The following CTIF variants were observed in gnomAD, a reference collection of about 807,000 sequenced individuals.
CTIF encodes cap binding complex dependent translation initiation factor.
In CTIF, 21 loss-of-function variants were observed where a neutral mutation model predicts 66.0. The observed-to-expected ratio is 0.32, with a 90% CI of 0.23 to 0.46. The LOEUF is 0.46. Ranked by LOEUF, CTIF falls within the 20% of genes least tolerant of loss-of-function variation. The pLI, the probability that CTIF is intolerant of heterozygous loss-of-function variation, is 1.00. For missense variants in CTIF, 739 were observed against 812.7 expected (o/e 0.91, Z 1.10); for synonymous variants, 345 against 326.4 (o/e 1.06, Z -0.62).
intron 6 of CTIF, among the ~76,000 whole-genome samples, chr18:48,673,925 T>C (rs2091581192): frequency 6.6e-6 from 1 of 152,224 alleles, no homozygotes; most frequent in Non-Finnish European, 1.5e-5. Flanking sequence ...ATGTCTTAAA[T>C]GCTTTGGCCC....
intron 1 of CTIF, among the ~76,000 whole-genome samples, chr18:48,557,695 A>C (rs1452809274): frequency 6.6e-6 from 1 of 152,204 alleles, no homozygotes; most frequent in East Asian, 1.9e-4. Context: ...CAGACATTTT[A>C]TTTCTTCACA....
At chr18:48,562,262 A>G (rs915795333) in intron 1 of CTIF, among the ~76,000 whole-genome samples, 3 of 152,258 alleles carry the variant, frequency 2.0e-5, no homozygotes, top group Non-Finnish European at 2.9e-5. Context: ...CAGTAGTATC[A>G]TCACCCACAT....
Position 48,569,470 on chromosome 18 carries a change from CAAAA to C in CTIF, c.-29+30162_-29+30165del, listed in dbSNP as rs1338096555. Among the ~76,000 whole-genome samples the C allele has an allele frequency of 1.5e-4, 23 of 148,976 alleles. No individual in the cohort carries two copies. The South Asian group carries it at 3.6e-3, about 24-fold the overall frequency. Reference sequence around the variant, plus strand: ...AAGAAATTCATAAATGAAAAAAAAACAAAAAAACAAAAAAAAAACTTGGGTTTCA... The same window carrying C: ...AAGAAATTCATAAATGAAAAAAAAACAAACAAAAAAAAAACTTGGGTTTCA... On this transcript the variant is annotated intron_variant, in intron 1 of 11. Transcript: ENST00000256413.
chr18:48,726,493 T>A (rs2092388373), intron 7 of CTIF, among the ~76,000 whole-genome samples: 3 of 152,172 alleles, frequency 2.0e-5, no homozygotes, highest in South Asian at 4.1e-4. Flanking sequence ...TGACTGGGGC[T>A]GGAGAAAGCC....
rs1248831037 is a variant in CTIF, at chr18:48,761,104, G to T, written c.1072-286G>T. ...CTTTTCTAGATTAAGATATTTGATGGACAAATAAACAAAAAAAGCCAATGT... is the reference window on the plus strand; with the variant it reads ...CTTTTCTAGATTAAGATATTTGATGTACAAATAAACAAAAAAAGCCAATGT... On this transcript the variant is annotated intron_variant, in intron 8 of 11. Transcript: ENST00000256413. The surrounding 1 kb of genome is among the most constrained non-coding windows in gnomAD (Gnocchi z 4.2). The T allele has an allele frequency of 6.3e-6, 2 of 317,880 alleles. No homozygotes were observed. The highest frequency in any genetic ancestry group is 2.1e-5 in the African/African-American group (1 of 47,092). The allele number at this position is 317,880 out of a possible 1,614,324, so 19.7% of individuals were successfully genotyped here.
At chr18:48,659,200 T>C (rs914969475) in intron 3 of CTIF, among the ~76,000 whole-genome samples, 2 of 152,100 alleles carry the variant, frequency 1.3e-5, no homozygotes, top group Non-Finnish European at 2.9e-5. Context: ...GCAGTTCTTA[T>C]ATCAAGTAGA....
At chr18:48,848,028 G>GT (rs758776784) in intron 10 of CTIF, among the ~76,000 whole-genome samples, 1 of 152,188 alleles carries the variant, frequency 6.6e-6, no homozygotes, top group Non-Finnish European at 1.5e-5. Flanking sequence ...TGGGCCAGCT[G>GT]TCCCGGAGGG....
intron 9 of CTIF, among the ~76,000 whole-genome samples, chr18:48,794,058 A>G (rs2067854103): frequency 6.6e-6 from 1 of 151,688 alleles, no homozygotes; most frequent in Admixed American, 6.6e-5. Flanking sequence ...AATCTGTACC[A>G]CCTTGGGATC....
chr18:48,670,508 CTTCTCTAGGGCT>C, intron 5 of CTIF, 149 bp from the exon 6 acceptor site: 1 of 596,112 alleles, frequency 1.7e-6, no homozygotes. Context: ...ACACACACAG[CTTCTCTAGGGCT>C]GTTTCCTCTA....
chr18:48,849,628 C>T (rs2069156043), intron 10 of CTIF, among the ~76,000 whole-genome samples: 1 of 143,466 alleles, frequency 7.0e-6, no homozygotes, highest in Admixed American at 7.0e-5. Context: ...ACTCTATCGC[C>T]AGGCTGGAAT....
intron 1 of CTIF, among the ~76,000 whole-genome samples, chr18:48,586,047 C>A (rs1162793391): frequency 6.6e-6 from 1 of 152,100 alleles, no homozygotes; most frequent in Non-Finnish European, 1.5e-5. Context: ...GGATGCCTGT[C>A]GCAGGGGTGG....
chr18:48,848,984 C>CG (rs752219697), intron 10 of CTIF, among the ~76,000 whole-genome samples: 1 of 152,194 alleles, frequency 6.6e-6, no homozygotes, highest in Non-Finnish European at 1.5e-5. Flanking sequence ...TTCGAGGGCA[C>CG]GGGAGGCTTG....
At chr18:48,835,497 T>C (rs1047957882) in intron 10 of CTIF, among the ~76,000 whole-genome samples, 1 of 152,218 alleles carries the variant, frequency 6.6e-6, no homozygotes, top group Non-Finnish European at 1.5e-5. Context: ...TCTGTGAACC[T>C]GTGCAGAGGT....
chr18:48,772,923 A>G (rs1037447783), intron 9 of CTIF, among the ~76,000 whole-genome samples: 1 of 152,202 alleles, frequency 6.6e-6, no homozygotes, highest in Non-Finnish European at 1.5e-5. Flanking sequence ...TGTTTCCAGG[A>G]AGGGTGTTTT....
intron 1 of CTIF, among the ~76,000 whole-genome samples, chr18:48,544,528 C>T (rs1487935497): frequency 2.0e-5 from 3 of 152,174 alleles, no homozygotes; most frequent in East Asian, 3.8e-4. Flanking sequence ...CACTCATATT[C>T]GGCCACAGAG....
chr18:48,791,269 A>G (rs1442256098), intron 9 of CTIF, among the ~76,000 whole-genome samples: 2 of 152,278 alleles, frequency 1.3e-5, no homozygotes, highest in Non-Finnish European at 2.9e-5. Flanking sequence ...CCAAGGCCCT[A>G]TAGCAAGATA....
At chr18:48,552,599 C>T (rs1447922432) in intron 1 of CTIF, among the ~76,000 whole-genome samples, 1 of 152,140 alleles carries the variant, frequency 6.6e-6, no homozygotes, top group Non-Finnish European at 1.5e-5. Context: ...AGGGCACTAA[C>T]CTCATTCATG....
chr18:48,560,657 G>A lies in CTIF; in HGVS notation c.-29+21345G>A, dbSNP rs148547005. On this transcript the variant is annotated intron_variant, in intron 1 of 11. Transcript: ENST00000256413. ...GTGACCTCAGCTCACTGCAACCTCC[G>A]CCTCTTGGCCTCAAGCCATCCTCCC... 1.7e-4 allele frequency among the ~76,000 whole-genome samples: 26 copies of A among 152,254 alleles called. No homozygotes were observed. The East Asian group carries it at 1.7e-3, about 10-fold the overall frequency.
intron 5 of CTIF, 177 bp from the exon 6 acceptor site, chr18:48,670,492 C>CT: frequency 1.8e-6 from 1 of 557,760 alleles, no homozygotes. Flanking sequence ...AGGACCCCCC[C>CT]CCCACACACA....
Sources: allele counts gnomAD v4.1 joint callset (sites outside exome capture counted in the v4.1 genomes callset), GRCh38; gene constraint gnomAD v4.1.1; non-coding constraint Gnocchi (gnomAD v3.1); transcripts MANE v1.5; gene names NCBI Gene and HGNC (gene_info 2026-07-23, HGNC 2026-07-21).